The following LRP1B variants were observed in gnomAD, a reference collection of about 807,000 sequenced individuals.
LRP1B encodes the protein low-density lipoprotein receptor-related protein 1B.
A neutral mutation model predicts 556.6 loss-of-function variants in LRP1B; 217 were observed. The ratio of observed to expected loss-of-function variants is 0.39; its 90% CI spans 0.35 to 0.44. The LOEUF is 0.44. Among genes scored for constraint, LRP1B ranks in the 20% least tolerant of loss-of-function variants. LRP1B has a pLI of 1.00. For synonymous variants in LRP1B, 2,047 were observed against 1,865.8 expected (o/e 1.10, Z -2.50); for missense variants, 5,053 against 5,620.8 (o/e 0.90, Z 3.23).
chr2:140,510,856 A>G (rs983084473), intron 51 of LRP1B, among the ~76,000 whole-genome samples: 2 of 152,152 alleles, frequency 1.3e-5, no homozygotes, highest in Admixed American at 6.5e-5. Context: ...CGTTATGATC[A>G]TAGGGTAGCC....
chr2:141,919,895 A>G (rs573261858), intron 1 of LRP1B, among the ~76,000 whole-genome samples: 2 of 152,186 alleles, frequency 1.3e-5, no homozygotes, highest in South Asian at 4.1e-4. Context: ...TAGTTCACAA[A>G]AAAGTTCAAT....
chr2:141,508,649 GT>G (rs34119540), intron 2 of LRP1B, among the ~76,000 whole-genome samples: 30 of 151,274 alleles, frequency 2.0e-4, no homozygotes, highest in East Asian at 1.9e-3. Flanking sequence ...ACACATCTCT[GT>G]TTTTTTTTTT....
Position 140,314,671 on chromosome 2 carries a change from T to A in LRP1B, c.12805+264A>T, listed in dbSNP as rs567744179. Reference sequence around the variant, plus strand: ...TTGGAAAATTGGCTCTACTAATCATTCTGAGCCAGGGGCAAATTATCTATA... The same window carrying A: ...TTGGAAAATTGGCTCTACTAATCATACTGAGCCAGGGGCAAATTATCTATA... On this transcript the variant is annotated intron_variant, in intron 83 of 90. Transcript: ENST00000389484. Among the ~76,000 whole-genome samples, 9 of 152,222 alleles carry A rather than the reference T, an allele frequency of 5.9e-5. No homozygotes were observed. The East Asian group carries it at 1.7e-3, about 29-fold the overall frequency.
At chr2:141,373,463 A>T (rs1689307860) in intron 3 of LRP1B, among the ~76,000 whole-genome samples, 1 of 151,938 alleles carries the variant, frequency 6.6e-6, no homozygotes, top group African/African-American at 2.4e-5. Flanking sequence ...CTATTATTGT[A>T]TTGCTGTCTA....
intron 3 of LRP1B, among the ~76,000 whole-genome samples, chr2:141,344,359 A>G (rs1166093746): frequency 6.6e-6 from 1 of 151,624 alleles, no homozygotes; most frequent in Non-Finnish European, 1.5e-5. Context: ...ACTTTTATTC[A>G]CTTATCTGCT....
At chr2:141,272,692 C>T (rs1391972278) in intron 3 of LRP1B, among the ~76,000 whole-genome samples, 1 of 151,792 alleles carries the variant, frequency 6.6e-6, no homozygotes, top group Non-Finnish European at 1.5e-5. Flanking sequence ...ACAAAACAGA[C>T]TTTAAAAATA....
At chr2:141,805,029 C>A (rs1280776195) in intron 2 of LRP1B, among the ~76,000 whole-genome samples, 3 of 152,028 alleles carry the variant, frequency 2.0e-5, no homozygotes, top group African/African-American at 7.2e-5. Context: ...TCTTTACTAG[C>A]AGAACCCCAA....
chr2:140,668,985 G>C (rs1685386076), intron 41 of LRP1B, among the ~76,000 whole-genome samples: 1 of 152,224 alleles, frequency 6.6e-6, no homozygotes, highest in Non-Finnish European at 1.5e-5. Flanking sequence ...ATGTTGTGAA[G>C]AGTGTTGAAT....
chr2:141,977,498 G>T (rs890327020), intron 1 of LRP1B, among the ~76,000 whole-genome samples: 3 of 152,046 alleles, frequency 2.0e-5, no homozygotes, highest in Admixed American at 6.6e-5. Flanking sequence ...GGAGACAGAG[G>T]TTGCAGTGAG....
At chr2:140,537,815 T>C (rs931084021) in intron 45 of LRP1B, among the ~76,000 whole-genome samples, 1 of 152,148 alleles carries the variant, frequency 6.6e-6, no homozygotes, top group Admixed American at 6.6e-5. Flanking sequence ...GTGAGTTTCA[T>C]CCTTATAATG....
At chr2:141,323,158 C>G (rs954155761) in intron 3 of LRP1B, among the ~76,000 whole-genome samples, 1 of 151,986 alleles carries the variant, frequency 6.6e-6, no homozygotes, top group African/African-American at 2.4e-5. Context: ...CTAGCTAGGA[C>G]AAAATATGAA....
At chr2:141,882,921 T>C (rs1000685861) in intron 1 of LRP1B, among the ~76,000 whole-genome samples, 5 of 152,116 alleles carry the variant, frequency 3.3e-5, no homozygotes, top group African/African-American at 7.2e-5. Flanking sequence ...CTTTAGAAGT[T>C]TGAGTGACAA....
intron 41 of LRP1B, among the ~76,000 whole-genome samples, chr2:140,685,849 G>A (rs1462762850): frequency 6.6e-6 from 1 of 152,040 alleles, no homozygotes; most frequent in East Asian, 1.9e-4. Context: ...ACATATCTTT[G>A]GGGAGATCTT....
intron 35 of LRP1B, among the ~76,000 whole-genome samples, chr2:140,760,303 G>C (rs898005275): frequency 1.3e-5 from 2 of 152,246 alleles, no homozygotes; most frequent in South Asian, 2.1e-4. Flanking sequence ...TTTTGGGAAA[G>C]GAACAGGACA....
intron 20 of LRP1B, among the ~76,000 whole-genome samples, chr2:140,946,085 G>A (rs1294838182): frequency 6.6e-6 from 1 of 152,108 alleles, no homozygotes; most frequent in Admixed American, 6.6e-5. Context: ...CATGCAAGTG[G>A]CCAGGAAACA....
intron 35 of LRP1B, among the ~76,000 whole-genome samples, chr2:140,728,997 A>G (rs1265171723): frequency 6.6e-6 from 1 of 152,068 alleles, no homozygotes; most frequent in Non-Finnish European, 1.5e-5. Flanking sequence ...AAAATAAGAT[A>G]TGTAGATACT....
chr2:141,552,941 C>T (rs1198966718), intron 2 of LRP1B, among the ~76,000 whole-genome samples: 2 of 151,776 alleles, frequency 1.3e-5, no homozygotes, highest in Admixed American at 6.6e-5. Flanking sequence ...ATATGAGAAA[C>T]ATTGAAAGAA....
At chr2:141,908,123 G>C (rs1699807893) in intron 1 of LRP1B, among the ~76,000 whole-genome samples, 1 of 151,974 alleles carries the variant, frequency 6.6e-6, no homozygotes, top group African/African-American at 2.4e-5. Context: ...AATAAAGATA[G>C]GCATAACTAT....
intron 2 of LRP1B, among the ~76,000 whole-genome samples, chr2:141,706,604 A>C (rs973323904): frequency 6.6e-6 from 1 of 152,100 alleles, no homozygotes; most frequent in African/African-American, 2.4e-5. Context: ...ACTGAAAATA[A>C]TTAGAGCTGA....
Sources: gnomAD v4.1 joint callset for allele counts (sites outside exome capture counted in the v4.1 genomes callset) on GRCh38, gnomAD v4.1.1 for gene constraint, MANE v1.5 for transcripts, NCBI Gene and HGNC (gene_info 2026-07-23, HGNC 2026-07-21) for gene names.